Variants in PPP3CC observed in about 807,000 individuals in gnomAD.
PPP3CC encodes serine/threonine-protein phosphatase 2B catalytic subunit gamma isoform.
Under a neutral mutation model 60.3 loss-of-function variants are expected in PPP3CC, and 35 were observed. The observed-to-expected ratio is 0.58, with a 90% CI of 0.44 to 0.77. The LOEUF is 0.77. PPP3CC is among the 30% of genes least tolerant of loss of function. The probability of loss-of-function intolerance (pLI) is 0.00; values close to 1 mark genes in which losing one functional copy is unlikely to be tolerated. For synonymous variants in PPP3CC, 206 were observed against 224.3 expected, an observed-to-expected ratio of 0.92 and a Z score of 0.73; for missense variants, 570 against 628.9, an observed-to-expected ratio of 0.91 and a Z score of 1.00.
rs1260147588 is a variant in PPP3CC at position 22,511,397 on chromosome 8, G to A, written c.630+166G>A. ...CTCCGCCTCCCTGGTTCAGCCTCCC[G>A]AGTAGCTGGATACAGGTGCACACCA... On this transcript the variant is annotated intron_variant, in intron 5 of 13. Coordinates refer to ENST00000240139, the MANE Select transcript of PPP3CC (RefSeq NM_005605.5). 1.3e-5 allele frequency among the ~76,000 whole-genome samples: 2 copies of A among 151,942 alleles called. No individual in the cohort carries two copies. Among genetic ancestry groups the A allele is most frequent in the South Asian group, 2.1e-4 (1 of 4,816 alleles).
At position 22,470,116 on chromosome 8, in the gene PPP3CC, T is replaced by C. The variant is rs773381719; in HGVS notation, c.50-4838T>C. 4.8e-4 allele frequency among the ~76,000 whole-genome samples: 73 copies of C among 151,546 alleles called. 2 individuals carry two copies. Among genetic ancestry groups the C allele is most frequent in the Non-Finnish European group, 1.6e-4 (11 of 67,902 alleles). On this transcript the variant is annotated intron_variant, in intron 1 of 13. Coordinates refer to ENST00000240139, the MANE Select transcript of PPP3CC (RefSeq NM_005605.5). ...TATATATATGTTCTCTGCTGTATCA[T>C]TTATTTATGTTTTCTTTTTTTTAGA...
At chr8:22,501,503 T>G (rs933472853) in intron 4 of PPP3CC, among the ~76,000 whole-genome samples, 4 of 152,216 alleles carry the variant, frequency 2.6e-5, no homozygotes, top group African/African-American at 9.6e-5. Context: ...GCAGTCCTTG[T>G]AACTGTAGGA....
Position 22,475,634 on chromosome 8 carries a change from A to G in PPP3CC, c.372+10A>G. ...CTATTTCAGTATAGAGGTAAAAATTAAACTGGATATGTTGGGACTATTATA... is the reference window on the plus strand; with the variant it reads ...CTATTTCAGTATAGAGGTAAAAATTGAACTGGATATGTTGGGACTATTATA... On this transcript the variant is annotated intron_variant, in intron 3 of 13. Coordinates refer to ENST00000240139, the MANE Select transcript of PPP3CC (RefSeq NM_005605.5). The G allele has an allele frequency of 6.2e-7, 1 of 1,608,978 alleles. No homozygotes were observed. The highest frequency in any genetic ancestry group is 8.5e-7 in the Non-Finnish European group (1 of 1,177,168).
At chr8:22,483,954 C>T (rs890558197) in intron 3 of PPP3CC, among the ~76,000 whole-genome samples, 1 of 152,088 alleles carries the variant, frequency 6.6e-6, no homozygotes, top group African/African-American at 2.4e-5. Flanking sequence ...AGTCCTCCTG[C>T]CTCAGCCACC....
chr8:22,509,066 A>G (rs955654927), intron 4 of PPP3CC, among the ~76,000 whole-genome samples: 1 of 152,062 alleles, frequency 6.6e-6, no homozygotes, highest in African/African-American at 2.4e-5. Context: ...AACCCTAATC[A>G]CCCAGTATTG....
intron 3 of PPP3CC, among the ~76,000 whole-genome samples, chr8:22,487,982 C>T (rs985468501): frequency 2.0e-5 from 3 of 152,080 alleles, no homozygotes; most frequent in Non-Finnish European, 4.4e-5. Flanking sequence ...TGTACAGTTG[C>T]ATCCTGATGT....
intron 3 of PPP3CC, among the ~76,000 whole-genome samples, chr8:22,476,588 A>G (rs562486975): frequency 6.6e-6 from 1 of 152,334 alleles, no homozygotes; most frequent in African/African-American, 2.4e-5. Context: ...AAGCAAAAAA[A>G]TGGATTTTTA....
At chr8:22,486,033 A>G (rs1013048161) in intron 3 of PPP3CC, among the ~76,000 whole-genome samples, 2 of 152,132 alleles carry the variant, frequency 1.3e-5, no homozygotes, top group African/African-American at 2.4e-5. Flanking sequence ...GGTCAATGTT[A>G]TATGTCCTGA....
intron 3 of PPP3CC, among the ~76,000 whole-genome samples, chr8:22,476,133 T>C (rs934343200): frequency 1.3e-5 from 2 of 152,244 alleles, no homozygotes; most frequent in Admixed American, 6.5e-5. Flanking sequence ...TTAAAACTTA[T>C]ACTTTCCTTT....
chr8:22,495,572 G>GTTA (rs1356834392), intron 3 of PPP3CC, among the ~76,000 whole-genome samples: 1 of 151,182 alleles, frequency 6.6e-6, no homozygotes, highest in Non-Finnish European at 1.5e-5. Flanking sequence ...TATTATTATT[G>GTTA]TTATTATTTT....
At chr8:22,444,295 G>T (rs546635771) in intron 1 of PPP3CC, among the ~76,000 whole-genome samples, 2 of 152,128 alleles carry the variant, frequency 1.3e-5, no homozygotes, top group South Asian at 4.2e-4. Flanking sequence ...GTAAAATAGG[G>T]TTAATAATAC....
At chr8:22,525,551 T>C (rs1839535103) in intron 8 of PPP3CC, among the ~76,000 whole-genome samples, 1 of 143,744 alleles carries the variant, frequency 7.0e-6, no homozygotes, top group Non-Finnish European at 1.6e-5. Flanking sequence ...TCCCTCTCTC[T>C]CTCTCTCTTT....
At chr8:22,516,343 A>G (rs1563767900) in intron 6 of PPP3CC, among the ~76,000 whole-genome samples, 2 of 152,334 alleles carry the variant, frequency 1.3e-5, no homozygotes, top group Middle Eastern at 3.4e-3. Context: ...AGCATAATAC[A>G]TATTCATTGT....
chr8:22,462,750 T>C (rs767196486), intron 1 of PPP3CC, among the ~76,000 whole-genome samples: 8 of 152,108 alleles, frequency 5.3e-5, no homozygotes, highest in Non-Finnish European at 8.8e-5. Flanking sequence ...TTTGTATTTT[T>C]AGTAGGGACG....
chr8:22,478,313 G>A (rs978753181), intron 3 of PPP3CC, among the ~76,000 whole-genome samples: 3 of 150,368 alleles, frequency 2.0e-5, no homozygotes, highest in East Asian at 1.9e-4. Context: ...CACCACACCC[G>A]GCTAATTTCT....
At chr8:22,455,773 G>A (rs868728884) in intron 1 of PPP3CC, among the ~76,000 whole-genome samples, 9 of 151,536 alleles carry the variant, frequency 5.9e-5, no homozygotes, top group Non-Finnish European at 1.0e-4. Flanking sequence ...TTCTAGGAGG[G>A]CCAGTTTTTA....
chr8:22,538,663 ACTGT>A (rs1313263537), intron 12 of PPP3CC, among the ~76,000 whole-genome samples: 2 of 152,122 alleles, frequency 1.3e-5, no homozygotes, highest in African/African-American at 4.8e-5. Context: ...TAGCGTTTTT[ACTGT>A]CTGAGAAAGG....
chr8:22,514,150 A>T (rs772488058), intron 6 of PPP3CC, among the ~76,000 whole-genome samples: 2 of 150,772 alleles, frequency 1.3e-5, no homozygotes, highest in Non-Finnish European at 2.9e-5. Context: ...GGGAGACTTC[A>T]GGCAAGAGAA....
At chr8:22,446,548 G>C (rs190787962) in intron 1 of PPP3CC, among the ~76,000 whole-genome samples, 1 of 151,964 alleles carries the variant, frequency 6.6e-6, no homozygotes, top group Non-Finnish European at 1.5e-5. Context: ...TTTAGGCCAG[G>C]CGTGGTGGCT....
Sources: gnomAD v4.1 joint callset for allele counts (sites outside exome capture counted in the v4.1 genomes callset) on GRCh38, gnomAD v4.1.1 for gene constraint, MANE v1.5 for transcripts, NCBI Gene and HGNC (gene_info 2026-07-23, HGNC 2026-07-21) for gene names.